Variants in ZNF354C observed in about 807,000 individuals in gnomAD.
ZNF354C encodes zinc finger protein 354C.
A neutral mutation model predicts 12.4 loss-of-function variants in ZNF354C; 7 were observed. That is an observed-to-expected ratio of 0.56 (90% CI 0.32 to 1.06). ZNF354C has a LOEUF of 1.06. ZNF354C is among the 50% of genes least tolerant of loss of function. The pLI, the probability that ZNF354C is intolerant of heterozygous loss-of-function variation, is 0.04. For missense variants in ZNF354C, 609 were observed against 658.0 expected (o/e 0.93, Z 0.81); for synonymous variants, 202 against 224.5 (o/e 0.90, Z 0.90).
chr5:179,064,357 TGCC>T (rs1281320755), intron 2 of ZNF354C, among the ~76,000 whole-genome samples: 1 of 152,062 alleles, frequency 6.6e-6, no homozygotes, highest in Non-Finnish European at 1.5e-5. Flanking sequence ...GCGATCCTCC[TGCC>T]TTGGCTTCCC....
chr5:179,079,401 T>C lies in ZNF354C; in HGVS notation c.969T>C (p.Thr323=). Residue 323 remains threonine, a synonymous_variant, in exon 5 of 5, where the codon ACT becomes ACC. Coordinates refer to ENST00000315475, the MANE Select transcript of ZNF354C (RefSeq NM_014594.3). This position sits in a 1 kb window ranked among gnomAD's most constrained non-coding sequence, Gnocchi z 4.2. ...STLTVHQRIH[T]GEKLYKCGEC... is the part of the protein sequence containing the mutation. ...TCACTGTACATCAGAGAATTCATAC[T>C]GGAGAGAAACTCTATAAATGCGGCG... 1 of 1,614,058 alleles carries C rather than the reference T, an allele frequency of 6.2e-7. No homozygotes were observed. Among genetic ancestry groups the C allele is most frequent in the Non-Finnish European group, 8.5e-7 (1 of 1,180,008 alleles).
chr5:179,069,754 T>C (rs1015233882), intron 2 of ZNF354C, among the ~76,000 whole-genome samples: 18 of 150,982 alleles, frequency 1.2e-4, no homozygotes, highest in African/African-American at 3.7e-4. Flanking sequence ...TAGTCCCAGC[T>C]ACTCGGGAGG....
chr5:179,075,346 T>G (rs1004770370), intron 2 of ZNF354C, among the ~76,000 whole-genome samples: 11 of 151,366 alleles, frequency 7.3e-5, no homozygotes, highest in Non-Finnish European at 1.6e-4. Flanking sequence ...TGCTTGAACC[T>G]GGGAGGCAGA....
chr5:179,069,737 G>A (rs1762018107), intron 2 of ZNF354C, among the ~76,000 whole-genome samples: 1 of 151,546 alleles, frequency 6.6e-6, no homozygotes, highest in African/African-American at 2.4e-5. Context: ...GCGGTGGCGG[G>A]CGCCTGTAGT....
rs552074178 is a variant in ZNF354C at position 179,081,156 on chromosome 5, T to C, written c.*1059T>C. On this transcript the variant is annotated 3_prime_UTR_variant, in exon 5 of 5. Coordinates refer to ENST00000315475, the MANE Select transcript of ZNF354C (RefSeq NM_014594.3). ...TAATTTAAAGTTACTGTGTTATCTT[T>C]AAGGGCTTCCTCTCACCTTAATCTT... is the stretch of plus-strand genomic sequence containing the variant. The C allele has an allele frequency of 6.6e-6, 1 of 152,294 alleles. No homozygotes were observed. The highest frequency in any genetic ancestry group is 1.9e-4 in the East Asian group (1 of 5,184). 9.4% of individuals were successfully genotyped at this position (152,294 alleles called of 1,614,324 possible). A position where few individuals can be genotyped will look rare whatever the true frequency, so the allele number is the denominator to read the frequency against.
At chr5:179,076,038 G>T (rs151087857) in intron 2 of ZNF354C, among the ~76,000 whole-genome samples, 1 of 152,316 alleles carries the variant, frequency 6.6e-6, no homozygotes, top group East Asian at 1.9e-4. Context: ...GCTCTCAGGG[G>T]AAAATCTGTT....
chr5:179,077,325 T>C (rs1002572340), intron 4 of ZNF354C, among the ~76,000 whole-genome samples, 159 bp downstream of exon 4: 1 of 152,230 alleles, frequency 6.6e-6, no homozygotes, highest in Non-Finnish European at 1.5e-5. Context: ...TACACACAAT[T>C]ACCTAATTGC....
chr5:179,066,260 A>G (rs1271091354), intron 2 of ZNF354C, among the ~76,000 whole-genome samples: 1 of 152,220 alleles, frequency 6.6e-6, no homozygotes. Flanking sequence ...ATACTGCACC[A>G]TGGGTAGTGG....
At chr5:179,065,276 C>G (rs1306608528) in intron 2 of ZNF354C, among the ~76,000 whole-genome samples, 1 of 152,098 alleles carries the variant, frequency 6.6e-6, no homozygotes, top group Non-Finnish European at 1.5e-5. Flanking sequence ...TGTGCCAGGG[C>G]CCCCCAGGAT....
intron 2 of ZNF354C, among the ~76,000 whole-genome samples, chr5:179,064,927 C>G (rs529165102): frequency 7.2e-5 from 11 of 152,092 alleles, no homozygotes; most frequent in Non-Finnish European, 1.6e-4. Context: ...TTACATATTT[C>G]CATGTAATAT....
At chr5:179,074,666 T>C (rs1485373802) in intron 2 of ZNF354C, among the ~76,000 whole-genome samples, 1 of 152,174 alleles carries the variant, frequency 6.6e-6, no homozygotes, top group Non-Finnish European at 1.5e-5. Context: ...GGCTTTCTAG[T>C]GCTTCCCTGA....
At chr5:179,078,583 C>A in intron 4 of ZNF354C, 100 bp from the exon 5 acceptor site, 1 of 885,564 alleles carries the variant, frequency 1.1e-6, no homozygotes, top group Non-Finnish European at 1.7e-6. Context: ...GATTGTATCA[C>A]TCTTCTTTCA....
In ZNF354C at chr5:179,080,528, A is replaced by G. The variant is rs1035488234; in HGVS notation, c.*431A>G. Reference sequence around the variant, plus strand: ...GCTAACATAGGAGGCACTTCTTTTCATAAAGAGAAGCTAAACATAAAAAGG... The same window carrying G: ...GCTAACATAGGAGGCACTTCTTTTCGTAAAGAGAAGCTAAACATAAAAAGG... On this transcript the variant is annotated 3_prime_UTR_variant, in exon 5 of 5. Coordinates refer to ENST00000315475, the MANE Select transcript of ZNF354C (RefSeq NM_014594.3). 6.6e-6 allele frequency: 1 copy of G among 152,548 alleles called. No individual in the cohort carries two copies. The highest frequency in any genetic ancestry group is 2.4e-5 in the African/African-American group (1 of 41,464). 9.4% of individuals were successfully genotyped at this position (152,548 alleles called of 1,614,324 possible). A position where few individuals can be genotyped will look rare whatever the true frequency, so the allele number is the denominator to read the frequency against.
chr5:179,076,366 A>T (rs767926524), intron 2 of ZNF354C, 79 bp from the exon 3 acceptor site: 4 of 1,594,574 alleles, frequency 2.5e-6, no homozygotes, highest in Admixed American at 1.7e-5. Flanking sequence ...TTTTCTGTAC[A>T]TCCCACTGTC....
At chr5:179,068,369 G>A (rs564022104) in intron 2 of ZNF354C, among the ~76,000 whole-genome samples, 138 of 152,204 alleles carry the variant, frequency 9.1e-4, no homozygotes, top group Non-Finnish European at 1.6e-3. Flanking sequence ...TTTTTAGCAC[G>A]CGTCTGTTTT....
chr5:179,080,167 A>C lies in ZNF354C; in HGVS notation c.*70A>C. 8.4e-7 allele frequency: 1 copy of C among 1,188,414 alleles called. No homozygotes were observed. Among genetic ancestry groups the C allele is most frequent in the Non-Finnish European group, 1.2e-6 (1 of 854,304 alleles). The allele number at this position is 1,188,414 out of a possible 1,614,324, so 73.6% of individuals were successfully genotyped here. On this transcript the variant is annotated 3_prime_UTR_variant, in exon 5 of 5. Transcript: ENST00000315475. ...AATAATAAATAGGGTACAAACTCCT[A>C]ATAGATTTGTCTTTTTTACTTCTCC... is the stretch of plus-strand genomic sequence containing the variant.
chr5:179,062,357 T>C (rs1036539702), intron 2 of ZNF354C, among the ~76,000 whole-genome samples: 1 of 152,152 alleles, frequency 6.6e-6, no homozygotes, highest in East Asian at 1.9e-4. Flanking sequence ...TGCTTCCCAC[T>C]ACACTGGTGC....
In ZNF354C at chr5:179,079,939, A is replaced by T; in HGVS notation, c.1507A>T (p.Lys503Ter). The T allele has an allele frequency of 6.2e-7, 1 of 1,614,072 alleles. No homozygotes were observed. Among genetic ancestry groups the T allele is most frequent in the Non-Finnish European group, 8.5e-7 (1 of 1,179,994 alleles). Residue 503 changes from lysine (K) to a stop codon, truncating the protein, a stop_gained, in exon 5 of 5, where the codon AAA becomes TAA. Transcript: ENST00000315475. LOFTEE classifies it low-confidence loss of function (END_TRUNC). This position sits in a 1 kb window ranked among gnomAD's most constrained non-coding sequence, Gnocchi z 4.2. The stretch of plus-strand genomic sequence containing the variant: ...ACTGTATAAATGTATGGAATGTGGG[A>T]AAGCCTACAGTTACAGATCAAACCT... The part of the protein sequence containing the change: ...EKLYKCMECG[K>*]AYSYRSNLCR...
intron 2 of ZNF354C, 101 bp downstream of exon 2, chr5:179,062,196 AAAACGATG>A (rs1761903098): frequency 6.7e-7 from 1 of 1,484,126 alleles, no homozygotes; most frequent in Middle Eastern, 1.7e-4. Context: ...TGGTCCAACC[AAAACGATG>A]AAGAATCCGG....
Sources: gnomAD v4.1 joint callset for allele counts (sites outside exome capture counted in the v4.1 genomes callset) on GRCh38, gnomAD v4.1.1 for gene constraint, Gnocchi (gnomAD v3.1) non-coding constraint, MANE v1.5 for transcripts, NCBI Gene and HGNC (gene_info 2026-07-23, HGNC 2026-07-21) for gene names.